Variants in GPC6 observed in about 807,000 individuals in gnomAD.
GPC6 encodes glypican 6.
Under a neutral mutation model 55.2 loss-of-function variants are expected in GPC6, and 14 were observed. The ratio of observed to expected loss-of-function variants is 0.25; its 90% CI spans 0.17 to 0.40. GPC6 has a LOEUF of 0.40. Among genes scored for constraint, GPC6 ranks in the 10% least tolerant of loss-of-function variants. The pLI is 1.00. For synonymous variants in GPC6, 278 were observed against 259.6 expected (o/e 1.07, Z -0.68); for missense variants, 641 against 708.5 (o/e 0.90, Z 1.08).
chr13:94,306,240 T>C, intron 6 of GPC6, 117 bp downstream of exon 6: 1 of 972,770 alleles, frequency 1.0e-6, no homozygotes, highest in Non-Finnish European at 1.6e-6. Context: ...TGCTTATATC[T>C]GCCTCTGTTC....
intron 3 of GPC6, among the ~76,000 whole-genome samples, chr13:93,944,164 CTTTTA>C (rs1334941050): frequency 1.3e-5 from 2 of 149,124 alleles, no homozygotes; most frequent in African/African-American, 2.5e-5. Flanking sequence ...CAGTTTCTTC[CTTTTA>C]TTTTATTTAT....
intron 4 of GPC6, among the ~76,000 whole-genome samples, chr13:94,132,049 C>T (rs541853324): frequency 3.0e-3 from 452 of 152,226 alleles, no homozygotes; most frequent in Admixed American, 6.5e-3. Flanking sequence ...GGAACCCTCC[C>T]TGGCTCCATT....
At chr13:93,596,517 A>C (rs1877736669) in intron 2 of GPC6, among the ~76,000 whole-genome samples, 3 of 151,710 alleles carry the variant, frequency 2.0e-5, no homozygotes, top group Admixed American at 6.6e-5. Flanking sequence ...TCGACAACGT[A>C]ATGTTGATTC....
intron 4 of GPC6, among the ~76,000 whole-genome samples, chr13:94,114,437 A>ATATTC (rs1159630129): frequency 1.3e-5 from 2 of 152,106 alleles, no homozygotes; most frequent in Non-Finnish European, 2.9e-5. Context: ...ATTCAACAGG[A>ATATTC]AACAGTTTTC....
chr13:94,395,118 G>T (rs961656456), intron 7 of GPC6, among the ~76,000 whole-genome samples: 1 of 152,208 alleles, frequency 6.6e-6, no homozygotes, highest in African/African-American at 2.4e-5. Flanking sequence ...ACCTGCTATT[G>T]TTTATTCCAA....
At chr13:94,310,836 A>G (rs930764889) in intron 6 of GPC6, among the ~76,000 whole-genome samples, 6 of 152,122 alleles carry the variant, frequency 3.9e-5, no homozygotes, top group African/African-American at 1.4e-4. Context: ...ATTCTGTCCC[A>G]ATGTTCAGAC....
intron 3 of GPC6, among the ~76,000 whole-genome samples, chr13:94,017,074 C>T (rs1055646483): frequency 1.3e-5 from 2 of 152,136 alleles, no homozygotes; most frequent in African/African-American, 4.8e-5. Context: ...AACTCGTGAT[C>T]CACCCGCCTT....
chr13:93,512,011 A>T (rs1262113938), intron 1 of GPC6, among the ~76,000 whole-genome samples: 1 of 152,028 alleles, frequency 6.6e-6, no homozygotes. Flanking sequence ...GAAATGCTAC[A>T]AATTTTTGTA....
At chr13:93,735,444 A>C (rs2138841693) in intron 2 of GPC6, among the ~76,000 whole-genome samples, 1 of 152,058 alleles carries the variant, frequency 6.6e-6, no homozygotes, top group Non-Finnish European at 1.5e-5. Context: ...GAGGCAGGAG[A>C]ATCACTTGAA....
At chr13:93,376,584 G>C (rs1874907283) in intron 1 of GPC6, among the ~76,000 whole-genome samples, 1 of 152,148 alleles carries the variant, frequency 6.6e-6, no homozygotes, top group African/African-American at 2.4e-5. Context: ...CTAACAGTAA[G>C]ACAGACAAGG....
intron 4 of GPC6, among the ~76,000 whole-genome samples, chr13:94,079,969 T>A (rs989545370): frequency 2.0e-5 from 3 of 152,206 alleles, no homozygotes; most frequent in African/African-American, 7.2e-5. Context: ...GAGCACAATG[T>A]CCTGATGGTT....
chr13:94,386,640 T>C (rs976033463), intron 7 of GPC6, among the ~76,000 whole-genome samples: 51 of 152,248 alleles, frequency 3.3e-4, no homozygotes, highest in Admixed American at 9.2e-4. Flanking sequence ...AAAAAATCCA[T>C]CACGTATTAA....
intron 2 of GPC6, among the ~76,000 whole-genome samples, chr13:93,770,943 G>A (rs549111028): frequency 4.9e-4 from 74 of 151,664 alleles, no homozygotes; most frequent in South Asian, 4.0e-3. Flanking sequence ...ATCATAAAAC[G>A]TAACGTAACC....
At chr13:94,402,863 G>A in intron 8 of GPC6, 152 bp from the exon 9 acceptor site, 1 of 751,960 alleles carries the variant, frequency 1.3e-6, no homozygotes, top group Non-Finnish European at 2.4e-6. Flanking sequence ...CAGGATGGGG[G>A]AAACCACCAC....
chr13:94,286,651 G>A (rs1892539615), intron 5 of GPC6, among the ~76,000 whole-genome samples, 172 bp downstream of exon 5: 1 of 152,090 alleles, frequency 6.6e-6, no homozygotes, highest in Admixed American at 6.5e-5. Flanking sequence ...CTAACAAAAT[G>A]GCATTGAGAA....
At chr13:93,888,372 C>G (rs890844798) in intron 3 of GPC6, among the ~76,000 whole-genome samples, 1 of 152,148 alleles carries the variant, frequency 6.6e-6, no homozygotes, top group African/African-American at 2.4e-5. Flanking sequence ...GGTCATCGTT[C>G]ATTCCTACAG....
At chr13:94,063,933 G>A (rs1566355926) in intron 4 of GPC6, among the ~76,000 whole-genome samples, 1 of 152,160 alleles carries the variant, frequency 6.6e-6, no homozygotes, top group Non-Finnish European at 1.5e-5. Flanking sequence ...ATTTTCTTAA[G>A]GGTTAGACTT....
chr13:94,384,926 G>T (rs1014556841), intron 7 of GPC6, among the ~76,000 whole-genome samples: 5 of 152,168 alleles, frequency 3.3e-5, no homozygotes, highest in Non-Finnish European at 5.9e-5. Context: ...TCCATCAGCA[G>T]TATGATTAAG....
intron 1 of GPC6, among the ~76,000 whole-genome samples, chr13:93,525,514 T>C (rs1448939308): frequency 6.6e-6 from 1 of 152,134 alleles, no homozygotes; most frequent in African/African-American, 2.4e-5. Flanking sequence ...CTCTGACTCC[T>C]TGCCTTATTT....
Sources: allele counts gnomAD v4.1 joint callset (sites outside exome capture counted in the v4.1 genomes callset), GRCh38; gene constraint gnomAD v4.1.1; transcripts MANE v1.5; gene names NCBI Gene and HGNC (gene_info 2026-07-23, HGNC 2026-07-21).